The following PAAF1 variants were observed in gnomAD, a reference collection of about 807,000 sequenced individuals.
PAAF1 encodes the protein proteasomal ATPase associated factor 1, also known as proteasomal ATPase-associated factor 1.
Under a neutral mutation model 52.8 loss-of-function variants are expected in PAAF1, and 46 were observed. The ratio of observed to expected loss-of-function variants is 0.87; its 90% CI spans 0.69 to 1.11. The LOEUF is 1.11. Among genes scored for constraint, PAAF1 ranks in the 50% most tolerant of loss-of-function variants. PAAF1 has a pLI of 0.00. For synonymous variants in PAAF1, 178 were observed against 172.8 expected, an observed-to-expected ratio of 1.03 and a Z score of -0.24; for missense variants, 424 against 477.4, an observed-to-expected ratio of 0.89 and a Z score of 1.04.
intron 10 of PAAF1, among the ~76,000 whole-genome samples, chr11:73,920,092 A>C (rs1163536226): frequency 6.6e-6 from 1 of 152,096 alleles, no homozygotes; most frequent in Non-Finnish European, 1.5e-5. Flanking sequence ...TTGGCATCTT[A>C]GTTTTGACAA....
Position 73,889,175 on chromosome 11 carries a change from T to G in PAAF1, c.192+1718T>G, listed in dbSNP as rs780871147. ...TCTTTCTTCCCTTCATACTCAGACC[T>G]GGATACAGTCTTTATCACTTCAAAC... is the stretch of plus-strand genomic sequence containing the variant. On this transcript the variant is annotated intron_variant, in intron 3 of 11. Transcript: ENST00000310571. The G allele has an allele frequency of 5.4e-5, 83 of 1,529,022 alleles. 1 individual carries two copies. In the South Asian group the frequency reaches 9.4e-4, roughly 17 times the overall value. The allele number at this position is 1,529,022 out of a possible 1,614,324, so 94.7% of individuals were successfully genotyped here.
At chr11:73,880,948 G>T (rs2135122864) in intron 2 of PAAF1, among the ~76,000 whole-genome samples, 1 of 151,988 alleles carries the variant, frequency 6.6e-6, no homozygotes. Flanking sequence ...TGCAGTGAGT[G>T]GAGATCGTGC....
rs531303891 is a variant in PAAF1, at chr11:73,920,306, G to A, written c.1018+1274G>A. Among the ~76,000 whole-genome samples, 3 of 152,238 alleles carry A rather than the reference G, an allele frequency of 2.0e-5. No homozygotes were observed. In the South Asian group the frequency reaches 6.2e-4, roughly 32 times the overall value. Reference sequence around the variant, plus strand: ...CCCAGCATTTTGGGAGGCTGAGGCGGGAGGATCACTTGAGCCCAGGAGTTT... The same window carrying A: ...CCCAGCATTTTGGGAGGCTGAGGCGAGAGGATCACTTGAGCCCAGGAGTTT... On this transcript the variant is annotated intron_variant, in intron 10 of 11. Coordinates refer to ENST00000310571, the MANE Select transcript of PAAF1 (RefSeq NM_025155.3).
rs1264387795 is a variant in PAAF1 at position 73,930,071 on chromosome 11, AG to A, written c.*2710del. ...AACTCCGTCTCAAAAAAAAAAAAAA[AG>A]AAAACAGGATGAAATGGGCCGGGCG... On this transcript the variant is annotated 3_prime_UTR_variant, in exon 12 of 12. Coordinates refer to ENST00000310571, the MANE Select transcript of PAAF1 (RefSeq NM_025155.3). The A allele has an allele frequency of 3.3e-5, 5 of 152,090 alleles. No homozygotes were observed. Among genetic ancestry groups the A allele is most frequent in the African/African-American group, 1.2e-4 (5 of 41,114 alleles). The allele number at this position is 152,090 out of a possible 1,614,324, so 9.4% of individuals were successfully genotyped here.
intron 3 of PAAF1, among the ~76,000 whole-genome samples, 195 bp downstream of exon 3, chr11:73,887,652 C>T (rs1043993384): frequency 3.3e-5 from 5 of 152,226 alleles, no homozygotes; most frequent in Non-Finnish European, 7.3e-5. Context: ...CAGACTTCCT[C>T]TTACTTCCCT....
In PAAF1 at chr11:73,930,056, CAA is replaced by C. The variant is rs1251882286; in HGVS notation, c.*2708_*2709del. 2.8e-4 allele frequency: 27 copies of C among 96,974 alleles called. No individual in the cohort carries two copies. The highest frequency in any genetic ancestry group is 3.4e-4 in the Non-Finnish European group (16 of 47,086). The allele number at this position is 96,974 out of a possible 1,614,324, so 6.0% of individuals were successfully genotyped here. On this transcript the variant is annotated 3_prime_UTR_variant, in exon 12 of 12. Transcript: ENST00000310571. ...GGGCAACAAGAGTGAAACTCCGTCT[CAA>C]AAAAAAAAAAAAAGAAAACAGGATG...
intron 4 of PAAF1, among the ~76,000 whole-genome samples, chr11:73,894,687 G>A (rs951310196): frequency 6.6e-5 from 10 of 152,130 alleles, no homozygotes; most frequent in African/African-American, 2.4e-4. Flanking sequence ...AGCTGGGCAT[G>A]GTGGCACACG....
At chr11:73,919,399 T>A (rs915121772) in intron 10 of PAAF1, among the ~76,000 whole-genome samples, 3 of 152,166 alleles carry the variant, frequency 2.0e-5, no homozygotes, top group African/African-American at 7.2e-5. Context: ...AATAGCTAAT[T>A]CTAGAGGTAG....
chr11:73,884,020 G>T (rs1343312029), intron 2 of PAAF1, among the ~76,000 whole-genome samples: 1 of 152,152 alleles, frequency 6.6e-6, no homozygotes, highest in Non-Finnish European at 1.5e-5. Context: ...GGGGTGAAAG[G>T]ATTACAAAAC....
rs1445889306 is a variant in PAAF1, at chr11:73,927,495, AG to A, written c.*134del. ...CACCCCTTGGAAATCACAGAAAGTCAGCTGTACTGGCCGTGTGGAACTCTCA... is the reference window on the plus strand; with the variant it reads ...CACCCCTTGGAAATCACAGAAAGTCACTGTACTGGCCGTGTGGAACTCTCA... On this transcript the variant is annotated 3_prime_UTR_variant, in exon 12 of 12. Transcript: ENST00000310571. The A allele has an allele frequency of 9.4e-6, 7 of 746,760 alleles. No homozygotes were observed. Among genetic ancestry groups the A allele is most frequent in the Non-Finnish European group, 1.6e-5 (7 of 439,398 alleles). The allele number at this position is 746,760 out of a possible 1,614,324, so 46.3% of individuals were successfully genotyped here. A position where few individuals can be genotyped will look rare whatever the true frequency, so the allele number is the denominator to read the frequency against.
intron 10 of PAAF1, among the ~76,000 whole-genome samples, chr11:73,924,414 C>G (rs1950300093): frequency 6.6e-6 from 1 of 152,070 alleles, no homozygotes; most frequent in Non-Finnish European, 1.5e-5. Context: ...CCATTGTACT[C>G]TAGCCTGGGC....
At chr11:73,887,498 T>C (rs1375121856) in intron 3 of PAAF1, 41 bp downstream of exon 3, 2 of 1,336,066 alleles carry the variant, frequency 1.5e-6, no homozygotes, top group South Asian at 2.6e-5. Flanking sequence ...TATTTAAAAC[T>C]ATGGTAGTAC....
At chr11:73,919,141 C>G (rs1950145794) in intron 10 of PAAF1, 109 bp downstream of exon 10, 8 of 911,460 alleles carry the variant, frequency 8.8e-6, no homozygotes, top group Non-Finnish European at 1.2e-5. Flanking sequence ...CCCCATGATT[C>G]TTTGGCATAT....
intron 4 of PAAF1, among the ~76,000 whole-genome samples, chr11:73,897,293 C>G (rs1949428057): frequency 6.6e-6 from 1 of 151,676 alleles, no homozygotes; most frequent in African/African-American, 2.4e-5. Context: ...CTGACCCCCC[C>G]ACTTCCCTCC....
chr11:73,900,453 TAATGATCCCCAGA>T (rs1205825426), intron 6 of PAAF1, 33 bp downstream of exon 6: 2 of 1,514,826 alleles, frequency 1.3e-6, no homozygotes, highest in Non-Finnish European at 1.8e-6. Context: ...AAGGCTTCTC[TAATGATCCCCAGA>T]AATGAATCAC....
chr11:73,885,016 C>T (rs12796341), intron 2 of PAAF1, among the ~76,000 whole-genome samples: 8,602 of 151,588 alleles, frequency 0.057, 275 homozygotes, highest in Middle Eastern at 0.11. Flanking sequence ...CCCGCCACTA[C>T]GCCCGGCTAA....
intron 9 of PAAF1, among the ~76,000 whole-genome samples, chr11:73,917,466 A>G (rs765023720): frequency 6.6e-6 from 1 of 152,250 alleles, no homozygotes; most frequent in Non-Finnish European, 1.5e-5. Flanking sequence ...CAATTTCTAC[A>G]ATTTTGTCCC....
intron 10 of PAAF1, among the ~76,000 whole-genome samples, chr11:73,920,736 CA>C (rs1318598191): frequency 1.3e-5 from 2 of 151,196 alleles, no homozygotes; most frequent in African/African-American, 4.9e-5. Flanking sequence ...TCTATAGTCC[CA>C]ACTACTCAGG....
chr11:73,889,027 C>G lies in PAAF1; in HGVS notation c.192+1570C>G, dbSNP rs57462976. On this transcript the variant is annotated intron_variant, in intron 3 of 11. Coordinates refer to ENST00000310571, the MANE Select transcript of PAAF1 (RefSeq NM_025155.3). ...AACCAACTCAGAGAGGTTAATTAAT[C>G]TCAAATAATCAAAGACAGACTGTAT... 8.8e-3 allele frequency: 4,778 copies of G among 542,248 alleles called. 174 individuals are homozygous for G. The highest frequency in any genetic ancestry group is 0.081 in the African/African-American group (4,254 of 52,514). 33.6% of individuals were successfully genotyped at this position (542,248 alleles called of 1,614,324 possible).
Sources: gnomAD v4.1 joint callset for allele counts (sites outside exome capture counted in the v4.1 genomes callset) on GRCh38, gnomAD v4.1.1 for gene constraint, MANE v1.5 for transcripts, NCBI Gene and HGNC (gene_info 2026-07-23, HGNC 2026-07-21) for gene names.